Variants in WWOX observed in about 807,000 individuals in gnomAD.
WWOX encodes the protein WW domain containing oxidoreductase, also known as WW domain-containing oxidoreductase.
A neutral mutation model predicts 46.2 loss-of-function variants in WWOX; 69 were observed. The ratio of observed to expected loss-of-function variants is 1.49; its 90% confidence interval spans 1.23 to 1.82. The LOEUF (loss-of-function observed/expected upper bound fraction) is 1.82, where lower values mean the gene tolerates loss of function less well. WWOX is among the 40% of genes most tolerant of loss of function. The pLI, the probability that WWOX is intolerant of heterozygous loss-of-function variation, is 0.00. For synonymous variants in WWOX, 359 were observed against 202.6 expected, an observed-to-expected ratio of 1.77 and a Z score of -6.56; for missense variants, 919 against 542.6, an observed-to-expected ratio of 1.69 and a Z score of -6.89.
intron 8 of WWOX, among the ~76,000 whole-genome samples, chr16:78,507,812 A>T (rs1222537097): frequency 6.6e-6 from 1 of 152,138 alleles, no homozygotes; most frequent in East Asian, 1.9e-4. Flanking sequence ...AAGGCGTGAA[A>T]GATCCTCCGA....
chr16:78,816,410 G>A (rs567864820), intron 8 of WWOX, among the ~76,000 whole-genome samples: 1 of 146,322 alleles, frequency 6.8e-6, no homozygotes, highest in East Asian at 2.1e-4. Flanking sequence ...TTGCAAGTGT[G>A]TTTAATGTGA....
At chr16:78,489,890 T>G (rs2084737421) in intron 8 of WWOX, among the ~76,000 whole-genome samples, 1 of 152,168 alleles carries the variant, frequency 6.6e-6, no homozygotes, top group East Asian at 1.9e-4. Context: ...AGGAGGGGTC[T>G]GACAGATAGC....
At chr16:78,967,599 C>A (rs909388762) in intron 8 of WWOX, among the ~76,000 whole-genome samples, 1 of 151,812 alleles carries the variant, frequency 6.6e-6, no homozygotes, top group Non-Finnish European at 1.5e-5. Flanking sequence ...GCCACTATGC[C>A]CAATACCCCC....
At chr16:78,428,207 A>G (rs887171645) in intron 7 of WWOX, among the ~76,000 whole-genome samples, 3 of 152,378 alleles carry the variant, frequency 2.0e-5, no homozygotes, top group African/African-American at 7.2e-5. Context: ...AGTAAGGGAA[A>G]ATTCTATTAA....
intron 8 of WWOX, among the ~76,000 whole-genome samples, chr16:79,118,544 G>A (rs1350938869): frequency 6.6e-6 from 1 of 152,108 alleles, no homozygotes; most frequent in African/African-American, 2.4e-5. Context: ...AGAAACCTTC[G>A]ATTTGTAAAA....
intron 5 of WWOX, among the ~76,000 whole-genome samples, chr16:78,360,285 C>T (rs1597097281): frequency 6.6e-6 from 1 of 152,098 alleles, no homozygotes; most frequent in Non-Finnish European, 1.5e-5. Flanking sequence ...TTTAGACTCA[C>T]ATAGAAGTTG....
intron 8 of WWOX, among the ~76,000 whole-genome samples, chr16:78,465,716 C>T (rs1432125602): frequency 6.6e-6 from 1 of 152,138 alleles, no homozygotes; most frequent in Non-Finnish European, 1.5e-5. Flanking sequence ...CTTTTAATTG[C>T]CCAGGTAAAT....
intron 8 of WWOX, among the ~76,000 whole-genome samples, chr16:79,041,999 G>A (rs2047980477): frequency 6.6e-6 from 1 of 152,116 alleles, no homozygotes; most frequent in Non-Finnish European, 1.5e-5. Context: ...GGTGCGAAAT[G>A]TAAAATGTAT....
At chr16:78,985,532 G>A (rs1240304092) in intron 8 of WWOX, among the ~76,000 whole-genome samples, 1 of 152,128 alleles carries the variant, frequency 6.6e-6, no homozygotes, top group African/African-American at 2.4e-5. Flanking sequence ...ACGTTGGGAG[G>A]CCAAGGTGGG....
intron 8 of WWOX, among the ~76,000 whole-genome samples, chr16:78,458,478 C>T (rs1017778219): frequency 1.3e-5 from 2 of 151,976 alleles, no homozygotes; most frequent in Non-Finnish European, 2.9e-5. Context: ...CCAGGCTGGT[C>T]TGGAACTCCT....
chr16:78,569,849 C>G (rs559975814), intron 8 of WWOX, among the ~76,000 whole-genome samples: 1 of 152,284 alleles, frequency 6.6e-6, no homozygotes, highest in East Asian at 1.9e-4. Flanking sequence ...TATGATGTGA[C>G]CTCATCGACA....
At chr16:78,994,774 G>A (rs1012353921) in intron 8 of WWOX, among the ~76,000 whole-genome samples, 29 of 152,092 alleles carry the variant, frequency 1.9e-4, no homozygotes, top group Admixed American at 6.5e-5. Context: ...TTTCTTTGGA[G>A]CGGAGCTGGT....
At chr16:78,670,677 A>T (rs549948914) in intron 8 of WWOX, among the ~76,000 whole-genome samples, 39 of 152,184 alleles carry the variant, frequency 2.6e-4, no homozygotes, top group African/African-American at 8.2e-4. Flanking sequence ...ATTAAAAAAA[A>T]ATTTTTATTT....
Position 79,064,902 on chromosome 16 carries a change from A to G in WWOX, c.1057-146706A>G, listed in dbSNP as rs574879388. Reference sequence around the variant, plus strand: ...TGTGCTGGGAGGATACTCAGTTTATAACGGACGTTCTGATGGCCAGTGCAA... The same window carrying G: ...TGTGCTGGGAGGATACTCAGTTTATGACGGACGTTCTGATGGCCAGTGCAA... On this transcript the variant is annotated intron_variant, in intron 8 of 8. Coordinates refer to ENST00000566780, the MANE Select transcript of WWOX (RefSeq NM_016373.4). 9.8e-5 allele frequency among the ~76,000 whole-genome samples: 15 copies of G among 152,306 alleles called. No individual in the cohort carries two copies. In the South Asian group the frequency reaches 3.1e-3, roughly 32 times the overall value.
chr16:78,818,770 C>A (rs12447302), intron 8 of WWOX, among the ~76,000 whole-genome samples: 21,581 of 152,234 alleles, frequency 0.14, 1,701 homozygotes, highest in Non-Finnish European at 0.18. Context: ...TATTCGGGGC[C>A]TTAGTTTCGT....
At chr16:78,244,803 CA>C (rs199576546) in intron 5 of WWOX, among the ~76,000 whole-genome samples, 44 of 151,110 alleles carry the variant, frequency 2.9e-4, no homozygotes, top group African/African-American at 1.0e-3. Flanking sequence ...CTCATAGGAG[CA>C]AAAAAAAGTG....
At chr16:79,131,368 G>A (rs899408822) in intron 8 of WWOX, among the ~76,000 whole-genome samples, 1 of 152,118 alleles carries the variant, frequency 6.6e-6, no homozygotes, top group Non-Finnish European at 1.5e-5. Flanking sequence ...AGCCTGAAAA[G>A]CAGGAGGCTT....
chr16:78,108,796 T>C (rs2032313506), intron 2 of WWOX, among the ~76,000 whole-genome samples: 1 of 152,212 alleles, frequency 6.6e-6, no homozygotes, highest in South Asian at 2.1e-4. Flanking sequence ...GAGACTAGCC[T>C]GGCCAACATG....
At chr16:78,629,972 G>T (rs552208311) in intron 8 of WWOX, among the ~76,000 whole-genome samples, 3 of 152,228 alleles carry the variant, frequency 2.0e-5, no homozygotes, top group Non-Finnish European at 4.4e-5. Context: ...TCCAGCAACT[G>T]TATTTGTCCT....
Sources: allele counts gnomAD v4.1 joint callset (sites outside exome capture counted in the v4.1 genomes callset), GRCh38; gene constraint gnomAD v4.1.1; transcripts MANE v1.5; gene names NCBI Gene and HGNC (gene_info 2026-07-23, HGNC 2026-07-21).